SEPTIN9: variants seen among roughly 807,000 people sequenced by gnomAD.
SEPTIN9 encodes septin-9.
A neutral mutation model predicts 56.6 loss-of-function variants in SEPTIN9; 13 were observed. That is an observed-to-expected ratio of 0.23 (90% CI 0.15 to 0.37). The LOEUF (loss-of-function observed/expected upper bound fraction) is 0.37, where lower values mean the gene tolerates loss of function less well. SEPTIN9 is among the 10% of genes least tolerant of loss of function. SEPTIN9 has a pLI of 1.00. For synonymous variants in SEPTIN9, 332 were observed against 334.1 expected (o/e 0.99, Z 0.07); for missense variants, 650 against 823.1 (o/e 0.79, Z 2.57).
rs146122932 is a variant in SEPTIN9 at position 77,389,727 on chromosome 17, C to T, written c.77-12332C>T. Reference sequence around the variant, plus strand: ...GGCGGCCCTCCCACCCAGGCCCTGGCGGCCCCACCCCAGCCAGGAAATTCT... The same window carrying T: ...GGCGGCCCTCCCACCCAGGCCCTGGTGGCCCCACCCCAGCCAGGAAATTCT... On this transcript the variant is annotated intron_variant, in intron 2 of 11. Transcript: ENST00000427177. The surrounding 1 kb of genome is among the most constrained non-coding windows in gnomAD (Gnocchi z 4.3). 6.9e-3 allele frequency among the ~76,000 whole-genome samples: 1,050 copies of T among 151,838 alleles called. 9 individuals carry two copies. Among genetic ancestry groups the T allele is most frequent in the African/African-American group, 0.023 (935 of 41,454 alleles).
chr17:77,337,685 T>G lies in SEPTIN9; in HGVS notation c.76+30488T>G, dbSNP rs2033599154. 2.0e-5 allele frequency among the ~76,000 whole-genome samples: 3 copies of G among 152,344 alleles called. No individual in the cohort carries two copies. The South Asian group carries it at 6.2e-4, about 32-fold the overall frequency. On this transcript the variant is annotated intron_variant, in intron 2 of 11. Coordinates refer to ENST00000427177, the MANE Select transcript of SEPTIN9 (RefSeq NM_001113491.2). ...TTAATCACAAATTCAATTTAATGTA[T>G]AGAAAGAGTTATTCAGGTTTTTTTA...
At chr17:77,324,245 C>T (rs998046868) in intron 2 of SEPTIN9, among the ~76,000 whole-genome samples, 6 of 152,240 alleles carry the variant, frequency 3.9e-5, no homozygotes, top group African/African-American at 1.2e-4. Context: ...AACTTCATAA[C>T]GTCTGCAAAG....
chr17:77,445,227 A>G lies in SEPTIN9; in HGVS notation c.722-36917A>G, dbSNP rs1347396191. ...GAAATGTGGGCTGCCTCGGGGCGTCACAGCTACAAATGCATACCAGCCCTC... is the reference window on the plus strand; with the variant it reads ...GAAATGTGGGCTGCCTCGGGGCGTCGCAGCTACAAATGCATACCAGCCCTC... On this transcript the variant is annotated intron_variant, in intron 3 of 11. Transcript: ENST00000427177. This position sits in a 1 kb window ranked among gnomAD's most constrained non-coding sequence, Gnocchi z 4.7. 2.1e-6 allele frequency: 1 copy of G among 470,962 alleles called. No homozygotes were observed. The highest frequency in any genetic ancestry group is 4.4e-6 in the Non-Finnish European group (1 of 227,040). The allele number at this position is 470,962 out of a possible 1,614,324, so 29.2% of individuals were successfully genotyped here.
chr17:77,392,513 C>T (rs1166658611), intron 2 of SEPTIN9, among the ~76,000 whole-genome samples: 2 of 152,164 alleles, frequency 1.3e-5, no homozygotes, highest in African/African-American at 4.8e-5. Context: ...GCCACGTGTG[C>T]AGATAAGCCT....
At chr17:77,454,498 T>A in intron 3 of SEPTIN9, 2 of 461,608 alleles carry the variant, frequency 4.3e-6, no homozygotes, top group Non-Finnish European at 5.7e-6. Flanking sequence ...GGCGCGGGTC[T>A]AATTACAGGC....
intron 2 of SEPTIN9, among the ~76,000 whole-genome samples, chr17:77,360,537 G>C (rs1000192976): frequency 2.0e-5 from 3 of 151,688 alleles, no homozygotes; most frequent in Non-Finnish European, 2.9e-5. Context: ...ACTAGGGTAG[G>C]TTGTTTTTTT....
chr17:77,335,430 G>A (rs34488813), intron 2 of SEPTIN9, among the ~76,000 whole-genome samples: 122 of 142,228 alleles, frequency 8.6e-4, no homozygotes, highest in African/African-American at 3.0e-3. Context: ...ATATATACAT[G>A]TAGGCCCCAT....
At chr17:77,482,571 C>A in intron 4 of SEPTIN9, 1 of 690,178 alleles carries the variant, frequency 1.4e-6, no homozygotes, top group Non-Finnish European at 2.7e-6. Flanking sequence ...CCTGAGATGA[C>A]TTTGGGGAGC....
At chr17:77,460,374 C>T (rs528437761) in intron 3 of SEPTIN9, among the ~76,000 whole-genome samples, 2 of 152,214 alleles carry the variant, frequency 1.3e-5, no homozygotes, top group Admixed American at 1.3e-4. Context: ...TGGTGCTCCC[C>T]GAGGACTGCT....
intron 2 of SEPTIN9, among the ~76,000 whole-genome samples, chr17:77,388,710 C>G (rs764891702): frequency 2.0e-5 from 3 of 150,666 alleles, no homozygotes; most frequent in Non-Finnish European, 4.4e-5. Context: ...CATATTGGCT[C>G]GGGCAGAGGC....
Position 77,451,440 on chromosome 17 carries a change from G to A in SEPTIN9, c.722-30704G>A, listed in dbSNP as rs1048242746. 7 of 985,524 alleles carry A rather than the reference G, an allele frequency of 7.1e-6. No homozygotes were observed. Among genetic ancestry groups the A allele is most frequent in the Non-Finnish European group, 8.4e-6 (7 of 830,098 alleles). 61.0% of individuals were successfully genotyped at this position (985,524 alleles called of 1,614,324 possible). ...TGTTCCGCGACCACAAAGCCCCTTT[G>A]ATCCTCTGCTCGGCTCTGAGCCATG... On this transcript the variant is annotated intron_variant, in intron 3 of 11. Transcript: ENST00000427177. This position sits in a 1 kb window ranked among gnomAD's most constrained non-coding sequence, Gnocchi z 4.2.
intron 3 of SEPTIN9, among the ~76,000 whole-genome samples, chr17:77,431,830 C>CAAAAAAA (rs61461406): frequency 1.1e-4 from 6 of 55,248 alleles, no homozygotes; most frequent in African/African-American, 3.5e-4. Flanking sequence ...AATGCTGTCT[C>CAAAAAAA]AAAAAAAAAA....
Position 77,402,884 on chromosome 17 carries a change from G to A in SEPTIN9, c.721+181G>A, listed in dbSNP as rs1209938274. On this transcript the variant is annotated intron_variant, in intron 3 of 11. Coordinates refer to ENST00000427177, the MANE Select transcript of SEPTIN9 (RefSeq NM_001113491.2). This position sits in a 1 kb window ranked among gnomAD's most constrained non-coding sequence, Gnocchi z 6.6. The stretch of plus-strand genomic sequence containing the variant: ...AAGCTCAGGAGAGGTGGCTCTCTCT[G>A]TCTGATGGGAACATGCCAAGATGCC... Among the ~76,000 whole-genome samples, 2 of 152,208 alleles carry A rather than the reference G, an allele frequency of 1.3e-5. No individual in the cohort carries two copies. Among genetic ancestry groups the A allele is most frequent in the African/African-American group, 4.8e-5 (2 of 41,442 alleles).
At chr17:77,386,351 C>T (rs1031842494) in intron 2 of SEPTIN9, among the ~76,000 whole-genome samples, 12 of 152,118 alleles carry the variant, frequency 7.9e-5, no homozygotes, top group African/African-American at 2.9e-4. Context: ...CCCCTGTAGC[C>T]CACGCTGTCC....
chr17:77,335,602 A>T (rs1392360536), intron 2 of SEPTIN9, among the ~76,000 whole-genome samples: 2 of 150,648 alleles, frequency 1.3e-5, no homozygotes, highest in African/African-American at 4.9e-5. Flanking sequence ...ACATATATAC[A>T]TGTAGGCCCC....
chr17:77,473,563 G>A (rs983547271), intron 3 of SEPTIN9, among the ~76,000 whole-genome samples: 6 of 152,004 alleles, frequency 3.9e-5, no homozygotes, highest in Non-Finnish European at 5.9e-5. Context: ...TTCAAAATAC[G>A]TGTGTGTCTG....
rs962567058 is a variant in SEPTIN9, at chr17:77,369,767, C to T, written c.77-32292C>T. Among the ~76,000 whole-genome samples, 1 of 152,254 alleles carries T rather than the reference C, an allele frequency of 6.6e-6. No individual in the cohort carries two copies. The highest frequency in any genetic ancestry group is 6.5e-5 in the Admixed American group (1 of 15,292). On this transcript the variant is annotated intron_variant, in intron 2 of 11. Transcript: ENST00000427177. This position sits in a 1 kb window ranked among gnomAD's most constrained non-coding sequence, Gnocchi z 4.9. Reference sequence around the variant, plus strand: ...TCACCTTCCTTCGCTCTCCGAGCCTCTTTTGCTTCCCTGCCAGCTGAGCCT... The same window carrying T: ...TCACCTTCCTTCGCTCTCCGAGCCTTTTTTGCTTCCCTGCCAGCTGAGCCT...
chr17:77,457,866 C>T (rs2038284550), intron 3 of SEPTIN9, among the ~76,000 whole-genome samples: 1 of 152,180 alleles, frequency 6.6e-6, no homozygotes, highest in Non-Finnish European at 1.5e-5. Context: ...TTTTACTCTT[C>T]TTAGAGGGTG....
chr17:77,373,345 A>G, intron 2 of SEPTIN9: 2 of 1,179,778 alleles, frequency 1.7e-6, no homozygotes, highest in African/African-American at 1.6e-5. Context: ...CCATTCATTC[A>G]GCTGAGCCAG....
Sources: allele counts gnomAD v4.1 joint callset (sites outside exome capture counted in the v4.1 genomes callset), GRCh38; gene constraint gnomAD v4.1.1; non-coding constraint Gnocchi (gnomAD v3.1); transcripts MANE v1.5; gene names NCBI Gene and HGNC (gene_info 2026-07-23, HGNC 2026-07-21).